The following FOCAD variants were observed in gnomAD, a reference collection of about 807,000 sequenced individuals.
FOCAD encodes the protein focadhesin, also known as KIAA1797.
Under a neutral mutation model 225.6 loss-of-function variants are expected in FOCAD, and 198 were observed. The observed-to-expected ratio is 0.88, with a 90% CI of 0.78 to 0.99. The LOEUF (loss-of-function observed/expected upper bound fraction) is 0.99. Among genes scored for constraint, FOCAD ranks in the 50% least tolerant of loss-of-function variants. The pLI, the probability that FOCAD is intolerant of heterozygous loss-of-function variation, is 0.00. For synonymous variants in FOCAD, 897 were observed against 755.0 expected, an observed-to-expected ratio of 1.19 and a Z score of -3.08; for missense variants, 2,713 against 2,123.6, an observed-to-expected ratio of 1.28 and a Z score of -5.46.
At chr9:20,790,165 AG>A (rs1463453294) in intron 11 of FOCAD, among the ~76,000 whole-genome samples, 1 of 152,222 alleles carries the variant, frequency 6.6e-6, no homozygotes, top group Non-Finnish European at 1.5e-5. Flanking sequence ...CACAGAACTT[AG>A]GATGTAATGA....
intron 7 of FOCAD, among the ~76,000 whole-genome samples, chr9:20,766,363 G>A (rs534925189): frequency 1.3e-5 from 2 of 152,262 alleles, no homozygotes; most frequent in African/African-American, 2.4e-5. Flanking sequence ...AGGGTTGGAC[G>A]TGGTCTTAGA....
rs756799899 is a variant in FOCAD at position 20,995,557 on chromosome 9, C to T, written c.5334C>T (p.Ala1778=). Residue 1778 remains alanine (A), a splice_region_variant and synonymous_variant, in exon 44 of 44, where the codon GCC becomes GCT. Coordinates refer to ENST00000338382, the MANE Select transcript of FOCAD (RefSeq NM_001375567.1). ...CATACCTATATTTTGTCCCCTTAGC[C>T]ACCCTGCTGTCCTTGAGAGTTCTCC... The part of the protein sequence containing the change: ...LSAQSRDLLK[A]TLLSLRVLPE... The T allele has an allele frequency of 1.9e-6, 3 of 1,612,202 alleles. No homozygotes were observed. The South Asian group carries it at 3.3e-5, about 18-fold the overall frequency.
chr9:20,841,607 C>G (rs1288056076), intron 15 of FOCAD, among the ~76,000 whole-genome samples: 1 of 151,800 alleles, frequency 6.6e-6, no homozygotes, highest in Non-Finnish European at 1.5e-5. Flanking sequence ...GTTGTAATAT[C>G]TCCTTATTCA....
At chr9:20,764,286 G>A (rs200912052) in intron 6 of FOCAD, among the ~76,000 whole-genome samples, 4 of 152,116 alleles carry the variant, frequency 2.6e-5, no homozygotes, top group East Asian at 1.9e-4. Context: ...ATGGAGTCTC[G>A]CTCTGTTGCC....
At chr9:20,906,308 T>A (rs1247419149) in intron 21 of FOCAD, among the ~76,000 whole-genome samples, 1 of 152,034 alleles carries the variant, frequency 6.6e-6, no homozygotes, top group Non-Finnish European at 1.5e-5. Context: ...ACATACAAAT[T>A]TGTTTTCTCT....
At position 20,824,207 on chromosome 9, in the gene FOCAD, C is replaced by G. The variant is rs142981376; in HGVS notation, c.1920+1092C>G. The stretch of plus-strand genomic sequence containing the variant: ...GGACATTTGATTTTACTGCTTCTGT[C>G]AGTCATCTGAGATTGGGAAATATCT... On this transcript the variant is annotated intron_variant, in intron 15 of 43. Transcript: ENST00000338382. 4.1e-3 allele frequency among the ~76,000 whole-genome samples: 631 copies of G among 152,146 alleles called. 4 individuals are homozygous for G. Among genetic ancestry groups the G allele is most frequent in the Non-Finnish European group, 6.6e-3 (448 of 67,982 alleles).
chr9:20,916,824 A>G (rs1320189361), intron 23 of FOCAD, 69 bp from the exon 24 acceptor site: 5 of 1,403,202 alleles, frequency 3.6e-6, no homozygotes, highest in African/African-American at 2.9e-5. Context: ...TTATTAATTG[A>G]TGAAAAAGAG....
chr9:20,928,482 G>A (rs1043241011), intron 26 of FOCAD, among the ~76,000 whole-genome samples: 2 of 152,182 alleles, frequency 1.3e-5, no homozygotes, highest in African/African-American at 4.8e-5. Context: ...CTTATGGTGT[G>A]TCTGAAACTT....
intron 4 of FOCAD, among the ~76,000 whole-genome samples, chr9:20,723,198 G>GT (rs1236146057): frequency 2.0e-5 from 3 of 152,144 alleles, no homozygotes; most frequent in Admixed American, 6.5e-5. Context: ...TTAAAAATGT[G>GT]TTTTTTGGGT....
chr9:20,745,646 A>G (rs1827983470), intron 5 of FOCAD, among the ~76,000 whole-genome samples: 1 of 152,158 alleles, frequency 6.6e-6, no homozygotes, highest in Non-Finnish European at 1.5e-5. Context: ...AAGTGAGGAA[A>G]TAGCTGTGAA....
intron 8 of FOCAD, among the ~76,000 whole-genome samples, chr9:20,775,695 G>C (rs956204664): frequency 2.6e-5 from 4 of 152,130 alleles, no homozygotes; most frequent in Admixed American, 6.5e-5. Flanking sequence ...GGCATTCGTA[G>C]ACCCAGCATA....
Position 20,846,776 on chromosome 9 carries a change from A to G in FOCAD, c.1921-15802A>G, listed in dbSNP as rs796476049. ...ATGTCCAGTTCATCACTGGAAAATT[A>G]CCCTAAGCTAAAGAGTTAATGTAAC... is the stretch of plus-strand genomic sequence containing the variant. On this transcript the variant is annotated intron_variant, in intron 15 of 43. Coordinates refer to ENST00000338382, the MANE Select transcript of FOCAD (RefSeq NM_001375567.1). 5.3e-5 allele frequency among the ~76,000 whole-genome samples: 8 copies of G among 152,296 alleles called. 1 individual carries two copies. Among genetic ancestry groups the G allele is most frequent in the African/African-American group, 1.7e-4 (7 of 41,588 alleles).
At chr9:20,717,559 A>G (rs1238890996) in intron 2 of FOCAD, among the ~76,000 whole-genome samples, 1 of 152,188 alleles carries the variant, frequency 6.6e-6, no homozygotes, top group East Asian at 1.9e-4. Context: ...ACCTCTATGC[A>G]CTATAGTTGC....
chr9:20,851,005 A>G (rs1827593300), intron 15 of FOCAD, among the ~76,000 whole-genome samples: 1 of 151,362 alleles, frequency 6.6e-6, no homozygotes, highest in African/African-American at 2.4e-5. Context: ...GGTACATAGC[A>G]GTTGCTCAGT....
chr9:20,935,210 T>C (rs571822139), intron 28 of FOCAD, among the ~76,000 whole-genome samples: 15 of 152,190 alleles, frequency 9.9e-5, no homozygotes, highest in Non-Finnish European at 1.5e-4. Context: ...AAAAACTTAT[T>C]ATTAAAGCTT....
chr9:20,667,737 G>C (rs1413429787), intron 2 of FOCAD, among the ~76,000 whole-genome samples: 1 of 152,168 alleles, frequency 6.6e-6, no homozygotes, highest in Non-Finnish European at 1.5e-5. Context: ...TGGTCAGTCT[G>C]TGGTGAGATT....
Position 20,982,435 on chromosome 9 carries a change from C to T in FOCAD, c.4717C>T (p.Gln1573Ter). 1 of 1,613,256 alleles carries T rather than the reference C, an allele frequency of 6.2e-7. No individual in the cohort carries two copies. Among genetic ancestry groups the T allele is most frequent in the Non-Finnish European group, 8.5e-7 (1 of 1,179,330 alleles). Residue 1573 changes from glutamine to a stop codon, truncating the protein, a stop_gained, in exon 39 of 44, where the codon CAG (glutamine) becomes TAG (stop). Coordinates refer to ENST00000338382, the MANE Select transcript of FOCAD (RefSeq NM_001375567.1). LOFTEE classifies it high-confidence loss of function. ...AGATGATGATGCCAATCGGATCGCC[C>T]AGGTTACTAAGGTAATAACATATCT... is the stretch of plus-strand genomic sequence containing the variant. ...MTDDDANRIA[Q>*]VTKSNIEKAA...
Position 20,973,637 on chromosome 9 carries a change from T to G in FOCAD, c.4133-2783T>G, listed in dbSNP as rs564436055. ...CATTTTAGCATCTGCTAATTTGGCCTCTGCTTCTCCTTTTTCCTATGCTTC... is the reference window on the plus strand; with the variant it reads ...CATTTTAGCATCTGCTAATTTGGCCGCTGCTTCTCCTTTTTCCTATGCTTC... On this transcript the variant is annotated intron_variant, in intron 35 of 43. Coordinates refer to ENST00000338382, the MANE Select transcript of FOCAD (RefSeq NM_001375567.1). Among the ~76,000 whole-genome samples, 7 of 151,568 alleles carry G rather than the reference T, an allele frequency of 4.6e-5. No homozygotes were observed. The East Asian group carries it at 1.4e-3, about 30-fold the overall frequency.
chr9:20,960,381 G>A (rs2132452286), intron 35 of FOCAD, among the ~76,000 whole-genome samples: 1 of 152,242 alleles, frequency 6.6e-6, no homozygotes, highest in South Asian at 2.1e-4. Flanking sequence ...TGGATAAGAT[G>A]TTGTCTTCTA....
Sources: allele counts gnomAD v4.1 joint callset (sites outside exome capture counted in the v4.1 genomes callset), GRCh38; gene constraint gnomAD v4.1.1; transcripts MANE v1.5; gene names NCBI Gene and HGNC (gene_info 2026-07-23, HGNC 2026-07-21).